HARBI1: variants seen among roughly 807,000 people sequenced by gnomAD.
HARBI1 encodes putative nuclease HARBI1.
HARBI1 carries 15 observed loss-of-function variants against 25.3 expected under a neutral mutation model. The observed-to-expected ratio is 0.59, with a 90% CI of 0.40 to 0.91. HARBI1 has a LOEUF of 0.91. Ranked by LOEUF, HARBI1 falls within the 40% of genes least tolerant of loss-of-function variation. The pLI, the probability that HARBI1 is intolerant of heterozygous loss-of-function variation, is 0.00. For synonymous variants in HARBI1, 168 were observed against 160.5 expected, an observed-to-expected ratio of 1.05 and a Z score of -0.35; for missense variants, 396 against 445.8, an observed-to-expected ratio of 0.89 and a Z score of 1.01.
chr11:46,610,582 C>T (rs564341210), intron 2 of HARBI1, among the ~76,000 whole-genome samples: 4 of 152,020 alleles, frequency 2.6e-5, no homozygotes, highest in Admixed American at 6.6e-5. Context: ...GTGCTGTGAA[C>T]CCGGGAGGCG....
intron 2 of HARBI1, among the ~76,000 whole-genome samples, chr11:46,612,342 T>A (rs868642427): frequency 6.6e-6 from 1 of 152,078 alleles, no homozygotes; most frequent in Non-Finnish European, 1.5e-5. Context: ...TCATCTCTTA[T>A]ATGTTGTATA....
intron 2 of HARBI1, among the ~76,000 whole-genome samples, chr11:46,606,077 G>A (rs2044936464): frequency 1.3e-5 from 2 of 151,768 alleles, no homozygotes; most frequent in Non-Finnish European, 2.9e-5. Flanking sequence ...GTAGAGATGG[G>A]GTTTCACCAT....
intron 2 of HARBI1, among the ~76,000 whole-genome samples, chr11:46,609,935 C>T (rs2045109324): frequency 6.6e-6 from 1 of 150,900 alleles, no homozygotes; most frequent in Non-Finnish European, 1.5e-5. Flanking sequence ...TCACTGCAAC[C>T]TCCACCTCCC....
At chr11:46,603,932 T>C in intron 2 of HARBI1, 23 bp from the exon 3 acceptor site, 1 of 1,579,442 alleles carries the variant, frequency 6.3e-7, no homozygotes, top group South Asian at 1.2e-5. Context: ...CCCAAATAAA[T>C]CATAAATGAC....
At position 46,616,024 on chromosome 11, in the gene HARBI1, G is replaced by C. The variant is rs2045421505; in HGVS notation, c.214C>G (p.Gln72Glu). 2 of 1,614,114 alleles carry C rather than the reference G, an allele frequency of 1.2e-6. No homozygotes were observed. The highest frequency in any genetic ancestry group is 2.7e-5 in the African/African-American group (2 of 74,950). ...TAAAAACCCAATGCTGCAAGGACCT[G>C]TGTCTCTGGGCTAATAGCCCTGGAT... is the stretch of plus-strand genomic sequence containing the variant. The part of the protein sequence containing the change: ...QRSRAISPET[Q>E]VLAALGFYTS... The change falls in exon 2 of 3, where the codon CAG (glutamine) becomes GAG (glutamate). Residue 72 changes from glutamine to glutamate, a missense_variant. Coordinates refer to ENST00000326737, the MANE Select transcript of HARBI1 (RefSeq NM_173811.4).
At position 46,616,063 on chromosome 11, in the gene HARBI1, T is replaced by TAGAA. The variant is rs2045428798; in HGVS notation, c.171_174dup (p.Arg59PhefsTer2). On this transcript the variant is annotated frameshift_variant, in exon 2 of 3. Transcript: ENST00000326737. LOFTEE classifies it high-confidence loss of function. ...ATAGCCCTGGATCGCTGAGTAGGCCTAGAAAGATTCGCCCCCAAGAGCTCC... is the reference window on the plus strand; with the variant it reads ...ATAGCCCTGGATCGCTGAGTAGGCCTAGAAAGAAAGATTCGCCCCCAAGAGCTCC... 4 of 1,614,100 alleles carry TAGAA rather than the reference T, an allele frequency of 2.5e-6. No homozygotes were observed. Among genetic ancestry groups the TAGAA allele is most frequent in the Non-Finnish European group, 3.4e-6 (4 of 1,180,048 alleles).
chr11:46,614,692 A>G (rs2045308813), intron 2 of HARBI1, among the ~76,000 whole-genome samples: 1 of 152,170 alleles, frequency 6.6e-6, no homozygotes, highest in Non-Finnish European at 1.5e-5. Context: ...CTCTTGCCTT[A>G]GCCTCCCAGA....
At chr11:46,605,285 T>C (rs937986900) in intron 2 of HARBI1, among the ~76,000 whole-genome samples, 1 of 151,958 alleles carries the variant, frequency 6.6e-6, no homozygotes, top group Non-Finnish European at 1.5e-5. Context: ...GTGATAACAG[T>C]TCGCTGCAGC....
chr11:46,615,126 G>C (rs1047184928), intron 2 of HARBI1, among the ~76,000 whole-genome samples: 1 of 151,892 alleles, frequency 6.6e-6, no homozygotes, highest in Non-Finnish European at 1.5e-5. Flanking sequence ...TGGTCAGGCT[G>C]GTCTTAAACT....
intron 2 of HARBI1, among the ~76,000 whole-genome samples, chr11:46,614,385 T>C (rs12805831): frequency 1.3e-5 from 2 of 151,864 alleles, no homozygotes; most frequent in Non-Finnish European, 2.9e-5. Flanking sequence ...GATCGCACCA[T>C]TGCACTCCAG....
intron 2 of HARBI1, among the ~76,000 whole-genome samples, chr11:46,608,551 C>T (rs992311572): frequency 6.6e-6 from 1 of 152,052 alleles, no homozygotes; most frequent in African/African-American, 2.4e-5. Context: ...CTCAAGTGAT[C>T]CTCCCAGGTC....
intron 1 of HARBI1, chr11:46,616,705 A>G (rs1288925627): frequency 6.0e-6 from 6 of 992,434 alleles, no homozygotes; most frequent in African/African-American, 1.7e-5. Context: ...AGCAGCTGAC[A>G]TATGTCATAA....
Position 46,617,195 on chromosome 11 carries a change from G to C in HARBI1, c.-216C>G, listed in dbSNP as rs985581314. 4 of 176,606 alleles carry C rather than the reference G, an allele frequency of 2.3e-5. No homozygotes were observed. Among genetic ancestry groups the C allele is most frequent in the Admixed American group, 1.3e-4 (2 of 15,302 alleles). The allele number at this position is 176,606 out of a possible 1,614,324, so 10.9% of individuals were successfully genotyped here. A position where few individuals can be genotyped will look rare whatever the true frequency, so the allele number is the denominator to read the frequency against. Reference sequence around the variant, plus strand: ...CCGGGTTGGGCCCTCCTCCGGAACCGGCGACTGCACAGAGGCCGCCACGGC... The same window carrying C: ...CCGGGTTGGGCCCTCCTCCGGAACCCGCGACTGCACAGAGGCCGCCACGGC... On this transcript the variant is annotated 5_prime_UTR_variant, in exon 1 of 3. Coordinates refer to ENST00000326737, the MANE Select transcript of HARBI1 (RefSeq NM_173811.4).
chr11:46,606,898 G>A (rs1443645875), intron 2 of HARBI1, among the ~76,000 whole-genome samples: 2 of 152,194 alleles, frequency 1.3e-5, no homozygotes, highest in Admixed American at 6.5e-5. Context: ...CGCTTCAGGA[G>A]GAACTCCCAC....
chr11:46,610,396 C>G (rs1193051192), intron 2 of HARBI1, among the ~76,000 whole-genome samples: 3 of 151,042 alleles, frequency 2.0e-5, no homozygotes, highest in African/African-American at 7.3e-5. Flanking sequence ...GCGGTGGGCT[C>G]ACGCCTGTAA....
intron 2 of HARBI1, among the ~76,000 whole-genome samples, chr11:46,607,836 G>A (rs2045013959): frequency 6.8e-6 from 1 of 147,702 alleles, no homozygotes; most frequent in Non-Finnish European, 1.5e-5. Flanking sequence ...ATTTAGAGGG[G>A]AATTTAGATA....
chr11:46,604,116 A>G, intron 2 of HARBI1: 4 of 985,398 alleles, frequency 4.1e-6, no homozygotes, highest in Non-Finnish European at 4.8e-6. Flanking sequence ...CTGGCTGAGA[A>G]TGTCGTTGGT....
In HARBI1 at chr11:46,604,002, A is replaced by G. The variant is rs918899073; in HGVS notation, c.671-93T>C. ...AAAACATATACTGACAATGGACAAG[A>G]AAATACAACAGCCTCTGGCGCCAAA... is the stretch of plus-strand genomic sequence containing the variant. On this transcript the variant is annotated intron_variant, in intron 2 of 2. Coordinates refer to ENST00000326737, the MANE Select transcript of HARBI1 (RefSeq NM_173811.4). The G allele has an allele frequency of 1.1e-5, 16 of 1,462,546 alleles. No homozygotes were observed. In the African/African-American group the frequency reaches 2.1e-4, roughly 20 times the overall value. 90.6% of individuals were successfully genotyped at this position (1,462,546 alleles called of 1,614,324 possible). A position where few individuals can be genotyped will look rare whatever the true frequency, so the allele number is the denominator to read the frequency against.
chr11:46,610,255 G>C (rs1370365237), intron 2 of HARBI1, among the ~76,000 whole-genome samples: 2 of 151,926 alleles, frequency 1.3e-5, no homozygotes, highest in Non-Finnish European at 2.9e-5. Context: ...AGGAGGTCAA[G>C]GCTTCAATAA....
Sources: gnomAD v4.1 joint callset for allele counts (sites outside exome capture counted in the v4.1 genomes callset) on GRCh38, gnomAD v4.1.1 for gene constraint, MANE v1.5 for transcripts, NCBI Gene and HGNC (gene_info 2026-07-23, HGNC 2026-07-21) for gene names.